PTPRD: variants seen among roughly 807,000 people sequenced by gnomAD.
The protein encoded by PTPRD is receptor-type tyrosine-protein phosphatase delta.
PTPRD carries 34 observed loss-of-function variants against 214.5 expected under a neutral mutation model. The observed-to-expected ratio is 0.16, with a 90% CI of 0.12 to 0.21. PTPRD has a LOEUF of 0.21. PTPRD is among the 10% of genes least tolerant of loss of function. The pLI, the probability that PTPRD is intolerant of heterozygous loss-of-function variation, is 1.00. For missense variants in PTPRD, 2,545 were observed against 2,398.7 expected (o/e 1.06, Z -1.27); for synonymous variants, 1,128 against 845.7 (o/e 1.33, Z -5.79).
rs1327417251 is a variant in PTPRD, at chr9:8,449,847, G to GA, written c.3876-11dup. The GA allele has an allele frequency of 6.2e-7, 1 of 1,608,838 alleles. No homozygotes were observed. The highest frequency in any genetic ancestry group is 1.3e-5 in the African/African-American group (1 of 74,628). The stretch of plus-strand genomic sequence containing the variant: ...GGACTCTGCCCTCTTCCTATAGGGG[G>GA]AAAATAGAAATTTAAGAAGAAAAGA... On this transcript the variant is annotated splice_polypyrimidine_tract_variant and intron_variant, in intron 33 of 45. Transcript: ENST00000381196.
chr9:10,516,970 G>A (rs1205199379), intron 2 of PTPRD, among the ~76,000 whole-genome samples: 1 of 151,764 alleles, frequency 6.6e-6, no homozygotes, highest in Non-Finnish European at 1.5e-5. Flanking sequence ...TTTAATTACT[G>A]TAGCTTTGTC....
At chr9:9,323,807 C>T (rs1343520615) in intron 9 of PTPRD, among the ~76,000 whole-genome samples, 1 of 152,152 alleles carries the variant, frequency 6.6e-6, no homozygotes, top group Non-Finnish European at 1.5e-5. Context: ...TCGTCATTTA[C>T]ATTAGGTATT....
At chr9:9,338,382 C>T (rs1044271178) in intron 9 of PTPRD, among the ~76,000 whole-genome samples, 3 of 152,076 alleles carry the variant, frequency 2.0e-5, no homozygotes, top group African/African-American at 4.8e-5. Flanking sequence ...TTTTAAACAA[C>T]GAGTTGATTT....
chr9:10,457,646 T>C (rs2098928471), intron 2 of PTPRD, among the ~76,000 whole-genome samples: 1 of 152,062 alleles, frequency 6.6e-6, no homozygotes, highest in Non-Finnish European at 1.5e-5. Flanking sequence ...TGTTTACTTG[T>C]AGCAGAAACT....
At chr9:10,539,269 CTG>C (rs2058564067) in intron 2 of PTPRD, among the ~76,000 whole-genome samples, 1 of 152,180 alleles carries the variant, frequency 6.6e-6, no homozygotes, top group South Asian at 2.1e-4. Context: ...ACTGCAACCA[CTG>C]TCTTTCAGGA....
In PTPRD at chr9:9,918,447, G is replaced by C. The variant is rs558031917; in HGVS notation, c.-368+20060C>G. ...AATAAAAAGACACCCCATGCTCATG[G>C]ATTAGAAGAATATTGTTAGAATCAC... On this transcript the variant is annotated intron_variant, in intron 5 of 45. Coordinates refer to ENST00000381196, the MANE Select transcript of PTPRD (RefSeq NM_002839.4). 5.4e-4 allele frequency among the ~76,000 whole-genome samples: 82 copies of C among 150,926 alleles called. 1 individual carries two copies. Among genetic ancestry groups the C allele is most frequent in the African/African-American group, 1.9e-3 (79 of 41,224 alleles).
rs368222766 is a variant in PTPRD, at chr9:10,163,318, T to C, written c.-544-129528A>G. On this transcript the variant is annotated intron_variant, in intron 3 of 45. Transcript: ENST00000381196. ...TGATTTTAATTACTGTCTTTGAAAA[T>C]GTACCACATATAACTTAGAAATACT... Among the ~76,000 whole-genome samples, 9 of 151,488 alleles carry C rather than the reference T, an allele frequency of 5.9e-5. No individual in the cohort carries two copies. The East Asian group carries it at 9.7e-4, about 16-fold the overall frequency.
chr9:9,451,613 G>A (rs1167258108), intron 8 of PTPRD, among the ~76,000 whole-genome samples: 3 of 151,438 alleles, frequency 2.0e-5, no homozygotes, highest in Non-Finnish European at 1.5e-5. Context: ...ATGAATGAGA[G>A]AAAGTAGAAA....
At chr9:8,463,514 G>A in intron 32 of PTPRD, among the ~76,000 whole-genome samples, 1 of 151,672 alleles carries the variant, frequency 6.6e-6, no homozygotes, top group East Asian at 1.9e-4. Context: ...TCTTTACCAA[G>A]AACCTTTAAG....
At chr9:8,824,447 A>C (rs2097136888) in intron 11 of PTPRD, among the ~76,000 whole-genome samples, 1 of 152,184 alleles carries the variant, frequency 6.6e-6, no homozygotes, top group Admixed American at 6.5e-5. Context: ...AGAAAGTGTT[A>C]GTATGGTAAG....
chr9:10,428,087 G>A lies in PTPRD; in HGVS notation c.-599-87070C>T, dbSNP rs1010362869. On this transcript the variant is annotated intron_variant, in intron 2 of 45. Coordinates refer to ENST00000381196, the MANE Select transcript of PTPRD (RefSeq NM_002839.4). ...TCTCAGCACTTTGGGAGGCCAAGGC[G>A]GGAATACCATAAAGGTCAGGAGTTT... Among the ~76,000 whole-genome samples the A allele has an allele frequency of 4.6e-5, 7 of 151,940 alleles. No individual in the cohort carries two copies. The East Asian group carries it at 1.4e-3, about 30-fold the overall frequency.
At chr9:9,605,243 C>T (rs143163871) in intron 7 of PTPRD, among the ~76,000 whole-genome samples, 128 of 151,990 alleles carry the variant, frequency 8.4e-4, no homozygotes, top group East Asian at 4.8e-3. Flanking sequence ...ATTTAGAAAA[C>T]GATTCAGTGT....
At chr9:10,170,366 T>C (rs571954294) in intron 3 of PTPRD, among the ~76,000 whole-genome samples, 2 of 152,268 alleles carry the variant, frequency 1.3e-5, no homozygotes, top group South Asian at 4.1e-4. Flanking sequence ...ATTAAATTAT[T>C]CTTTGAAAGA....
intron 9 of PTPRD, among the ~76,000 whole-genome samples, chr9:9,386,025 A>G (rs1367673455): frequency 6.6e-6 from 1 of 152,146 alleles, no homozygotes; most frequent in African/African-American, 2.4e-5. Flanking sequence ...TATGGCCTGC[A>G]TCTTATATGA....
In PTPRD at chr9:8,640,700, C is replaced by CAT. The variant is rs1225455274; in HGVS notation, c.65-3858_65-3857dup. 1.4e-3 allele frequency among the ~76,000 whole-genome samples: 195 copies of CAT among 141,794 alleles called. 1 individual carries two copies. Among genetic ancestry groups the CAT allele is most frequent in the East Asian group, 3.5e-3 (17 of 4,890 alleles). 93.0% of individuals were successfully genotyped at this position (141,794 alleles called of 152,430 possible). ...ATTCTGTAAAAAAAAAAAAAAAATA[C>CAT]ATATATATATATGAAAGACATCGGC... On this transcript the variant is annotated intron_variant, in intron 12 of 45. Transcript: ENST00000381196.
intron 5 of PTPRD, among the ~76,000 whole-genome samples, chr9:9,934,514 A>G (rs1354031607): frequency 6.6e-6 from 1 of 150,494 alleles, no homozygotes; most frequent in Non-Finnish European, 1.5e-5. Flanking sequence ...CACTCTCCCA[A>G]GACTAAACCA....
At chr9:8,768,839 G>C (rs993685525) in intron 11 of PTPRD, among the ~76,000 whole-genome samples, 57 of 152,268 alleles carry the variant, frequency 3.7e-4, no homozygotes, top group Non-Finnish European at 4.3e-4. Flanking sequence ...CTTCTTTTAA[G>C]ATATAAGAAA....
At chr9:9,591,286 T>C (rs1482813057) in intron 7 of PTPRD, among the ~76,000 whole-genome samples, 1 of 151,894 alleles carries the variant, frequency 6.6e-6, no homozygotes, top group Admixed American at 6.6e-5. Flanking sequence ...GCAGGCAGCC[T>C]CGGGGACCAA....
chr9:9,462,951 G>C (rs1417901574), intron 8 of PTPRD, among the ~76,000 whole-genome samples: 6 of 152,068 alleles, frequency 3.9e-5, no homozygotes, highest in Admixed American at 2.0e-4. Context: ...TATAGTTTAA[G>C]GAATTTAAAC....
Sources: allele counts gnomAD v4.1 joint callset (sites outside exome capture counted in the v4.1 genomes callset), GRCh38; gene constraint gnomAD v4.1.1; transcripts MANE v1.5; gene names NCBI Gene and HGNC (gene_info 2026-07-23, HGNC 2026-07-21).